The following EPHB4 variants were observed in gnomAD, a reference collection of about 807,000 sequenced individuals.
EPHB4 encodes the protein ephrin type-B receptor 4.
A neutral mutation model predicts 110.6 loss-of-function variants in EPHB4; 50 were observed. That is an observed-to-expected ratio of 0.45 (90% CI 0.36 to 0.57). The LOEUF (loss-of-function observed/expected upper bound fraction) is 0.57, where lower values mean the gene tolerates loss of function less well. Ranked by LOEUF, EPHB4 falls within the 20% of genes least tolerant of loss-of-function variation. The pLI is 0.00. For synonymous variants in EPHB4, 592 were observed against 578.4 expected (o/e 1.02, Z -0.34); for missense variants, 1,128 against 1,382.1 (o/e 0.82, Z 2.91).
intron 12 of EPHB4, 152 bp downstream of exon 12, chr7:100,812,595 A>C: frequency 2.6e-6 from 3 of 1,148,608 alleles, no homozygotes; most frequent in Non-Finnish European, 3.6e-6. Flanking sequence ...TCTTAAAAAA[A>C]AGAAAAGGCA....
At position 100,813,119 on chromosome 7, in the gene EPHB4, T is replaced by C. The variant is rs576785475; in HGVS notation, c.1846A>G (p.Lys616Glu). Residue 616 changes from lysine (K) to glutamate (E), a missense_variant, in exon 11 of 17, where the codon AAG (lysine) becomes GAG (glutamate). Around this residue, in one of 3 missense-constraint regions of EPHB4, gnomAD observed 191 missense variants for 313.0 expected, o/e 0.61. Coordinates refer to ENST00000358173, the MANE Select transcript of EPHB4 (RefSeq NM_004444.5). Reference protein sequence around the residue: ...FAKEIDVSYVKIEEVIGAGEF... With the variant: ...FAKEIDVSYVEIEEVIGAGEF... ...CCTGCACCAATCACCTCTTCAATCT[T>C]GACGTAGGAGACATCGATCTCTTTT... 6.2e-7 allele frequency: 1 copy of C among 1,613,238 alleles called. No individual in the cohort carries two copies. The highest frequency in any genetic ancestry group is 1.7e-5 in the Admixed American group (1 of 60,020).
At position 100,827,206 on chromosome 7, in the gene EPHB4, C is replaced by T; in HGVS notation, c.-176G>A. On this transcript the variant is annotated 5_prime_UTR_variant, in exon 1 of 17. Transcript: ENST00000358173. ...CCGGGCGGCGGCGCCAAGTGTGGCC[C>T]CGCGTCTGTGCCGCGCGCGCGGGCG... is the stretch of plus-strand genomic sequence containing the variant. 2 of 423,238 alleles carry T rather than the reference C, an allele frequency of 4.7e-6. No individual in the cohort carries two copies. Among genetic ancestry groups the T allele is most frequent in the South Asian group, 8.2e-5 (1 of 12,206 alleles). The allele number at this position is 423,238 out of a possible 1,614,324, so 26.2% of individuals were successfully genotyped here. A position where few individuals can be genotyped will look rare whatever the true frequency, so the allele number is the denominator to read the frequency against.
Position 100,817,241 on chromosome 7 carries a change from G to A in EPHB4, c.1539C>T (p.Ala513=), listed in dbSNP as rs765117956. The change falls in exon 8 of 17, where the codon GCC becomes GCT. Residue 513 remains alanine, a synonymous_variant. Coordinates refer to ENST00000358173, the MANE Select transcript of EPHB4 (RefSeq NM_004444.5). ...YLVQVRARSE[A]GYGPFGQEHH... ...GTTCCTGGCCGAAGGGCCCGTAGCC[G>A]GCCTCAGAGCGCGCCCGTACCTGCA... 2.0e-5 allele frequency: 32 copies of A among 1,600,846 alleles called. No homozygotes were observed. The highest frequency in any genetic ancestry group is 9.0e-5 in the South Asian group (8 of 89,244).
Position 100,819,800 on chromosome 7 carries a change from GGCC to G in EPHB4, c.1051_1053del (p.Gly351del). 1 of 1,568,280 alleles carries G rather than the reference GGCC, an allele frequency of 6.4e-7. No homozygotes were observed. Among genetic ancestry groups the G allele is most frequent in the Non-Finnish European group, 8.6e-7 (1 of 1,157,128 alleles). On this transcript the variant is annotated inframe_deletion, in exon 6 of 17. Transcript: ENST00000358173. ...CGGAGGGCGTAGGTGAGGTCCTCTC[GGCC>G]ACCAGACTCCAGGGGGGCACTCCAT...
chr7:100,812,771 G>A lies in EPHB4; in HGVS notation c.2094C>T (p.Asn698=), dbSNP rs750369526. 26 of 1,613,836 alleles carry A rather than the reference G, an allele frequency of 1.6e-5. No individual in the cohort carries two copies. The East Asian group carries it at 4.0e-4, about 25-fold the overall frequency. The change falls in exon 12 of 17, where the codon AAC becomes AAT. Residue 698 remains asparagine (N), a synonymous_variant. Coordinates refer to ENST00000358173, the MANE Select transcript of EPHB4 (RefSeq NM_004444.5). ...PVMILTEFME[N]GALDSFLRLN... ...CCCGCAGGAAGGAGTCCAGGGCGCC[G>A]TTCTCCATGAACTCTGTGAGAATCA...
chr7:100,808,887 G>C (rs1475780254), intron 12 of EPHB4, among the ~76,000 whole-genome samples: 1 of 152,188 alleles, frequency 6.6e-6, no homozygotes, highest in Non-Finnish European at 1.5e-5. Flanking sequence ...CCACTTGCCA[G>C]ATGGTCAGGG....
At chr7:100,813,789 G>A (rs1464503180) in intron 9 of EPHB4, 73 bp from the exon 10 acceptor site, 3 of 1,608,902 alleles carry the variant, frequency 1.9e-6, no homozygotes, top group African/African-American at 1.3e-5. Flanking sequence ...ACCAAAGGAA[G>A]GAGCAGGGAT....
chr7:100,819,269 C>T (rs536597678), intron 6 of EPHB4, among the ~76,000 whole-genome samples: 24 of 148,034 alleles, frequency 1.6e-4, no homozygotes, highest in East Asian at 4.0e-4. Flanking sequence ...TGCACCACCT[C>T]GCCTGGCTAA....
chr7:100,820,703 C>T (rs1220703173), intron 4 of EPHB4, among the ~76,000 whole-genome samples: 1 of 152,108 alleles, frequency 6.6e-6, no homozygotes, highest in Non-Finnish European at 1.5e-5. Flanking sequence ...ACCAGGGAAA[C>T]CAATTAAGCT....
chr7:100,803,938 G>GGGAGAGGAAGAGCTGGGT (rs749864040), intron 16 of EPHB4, among the ~76,000 whole-genome samples: 1 of 152,168 alleles, frequency 6.6e-6, no homozygotes, highest in Non-Finnish European at 1.5e-5. Context: ...AGGCCGAAGT[G>GGGAGAGGAAGAGCTGGGT]GGAGAGGAAG....
At chr7:100,813,583 T>C (rs1278336884) in intron 10 of EPHB4, 69 bp downstream of exon 10, 5 of 1,569,534 alleles carry the variant, frequency 3.2e-6, no homozygotes, top group East Asian at 4.5e-5. Flanking sequence ...CCCAAAGTGC[T>C]GGGATTATAG....
At position 100,818,628 on chromosome 7, in the gene EPHB4, A is replaced by G. The variant is rs144173; in HGVS notation, c.1314T>C (p.Ser438=). ...GTGAGGACCGCGTCACCCGGATGTC[A>G]GACACTGCAGGAGGTACTGTGAGAG... ...TTDREVPPAV[S]DIRVTRSSPS... is the part of the protein sequence containing the mutation. Residue 438 remains serine, a synonymous_variant, in exon 7 of 17, where the codon TCT becomes TCC. Transcript: ENST00000358173. The G allele has an allele frequency of 0.6, 966,746 of 1,610,268 alleles. 292,237 individuals are homozygous for G. The highest frequency in any genetic ancestry group is 0.7 in the Middle Eastern group (4,239 of 6,060).
Position 100,820,287 on chromosome 7 carries a change from T to A in EPHB4, c.818A>T (p.Gln273Leu). Residue 273 changes from glutamine to leucine, a missense_variant, in exon 5 of 17, where the codon CAG (glutamine) becomes CTG (leucine). Around this residue, in one of 3 missense-constraint regions of EPHB4, gnomAD observed 728 missense variants for 828.6 expected, o/e 0.88. Coordinates refer to ENST00000358173, the MANE Select transcript of EPHB4 (RefSeq NM_004444.5). Reference sequence around the variant, plus strand: ...TCCTGACAGGGGCTTGAAGGTGCCCTGGGCACAGGCTGAGAGAGAGAAAGC... The same window carrying A: ...TCCTGACAGGGGCTTGAAGGTGCCCAGGGCACAGGCTGAGAGAGAGAAAGC... ...EGNTKCRACA[Q>L]GTFKPLSGEG... 4 of 1,613,718 alleles carry A rather than the reference T, an allele frequency of 2.5e-6. No individual in the cohort carries two copies. Among genetic ancestry groups the A allele is most frequent in the Non-Finnish European group, 3.4e-6 (4 of 1,179,942 alleles).
intron 4 of EPHB4, chr7:100,820,547 T>C: frequency 2.9e-6 from 1 of 346,492 alleles, no homozygotes; most frequent in East Asian, 4.9e-5. Context: ...TCTCAAAACC[T>C]TTCCTCTTAG....
At chr7:100,809,399 G>GC (rs1812881947) in intron 12 of EPHB4, among the ~76,000 whole-genome samples, 1 of 151,974 alleles carries the variant, frequency 6.6e-6, no homozygotes, top group Non-Finnish European at 1.5e-5. Context: ...GAGCCACTGT[G>GC]CCCAGCTGGG....
intron 1 of EPHB4, chr7:100,824,495 T>C: frequency 1.8e-6 from 1 of 562,284 alleles, no homozygotes. Flanking sequence ...TGGGGCTCCC[T>C]TGGGATACCC....
chr7:100,819,440 G>A (rs1813162868), intron 6 of EPHB4, 117 bp downstream of exon 6: 1 of 1,216,084 alleles, frequency 8.2e-7, no homozygotes, highest in Admixed American at 2.3e-5. Context: ...TGCCCCCAAA[G>A]CCTTAGCCCC....
At chr7:100,823,556 G>C in intron 3 of EPHB4, 88 bp downstream of exon 3, 3 of 1,527,814 alleles carry the variant, frequency 2.0e-6, no homozygotes, top group South Asian at 2.5e-5. Context: ...CAGAGGCCTC[G>C]CAACTACATC....
In EPHB4 at chr7:100,819,816, G is replaced by C. The variant is rs781490021; in HGVS notation, c.1038C>G (p.Pro346=). The C allele has an allele frequency of 7.0e-6, 11 of 1,560,890 alleles. No homozygotes were observed. Among genetic ancestry groups the C allele is most frequent in the East Asian group, 2.4e-5 (1 of 41,514 alleles). ...GSSLHLEWSA[P]LESGGREDLT... is the part of the protein sequence containing the mutation. ...GGTCCTCTCGGCCACCAGACTCCAG[G>C]GGGGCACTCCATTCCAGGTGCAGGG... is the stretch of plus-strand genomic sequence containing the variant. The change falls in exon 6 of 17, where the codon CCC becomes CCG. Residue 346 remains proline, a synonymous_variant. Coordinates refer to ENST00000358173, the MANE Select transcript of EPHB4 (RefSeq NM_004444.5).
Sources: gnomAD v4.1 joint callset for allele counts (sites outside exome capture counted in the v4.1 genomes callset) on GRCh38, gnomAD v4.1.1 for gene constraint, gnomAD v4.1.1 regional missense constraint, MANE v1.5 for transcripts, NCBI Gene and HGNC (gene_info 2026-07-23, HGNC 2026-07-21) for gene names.